EPB41L2: variants seen among roughly 807,000 people sequenced by gnomAD.
EPB41L2 encodes erythrocyte membrane protein band 4.1 like 2.
A neutral mutation model predicts 113.0 loss-of-function variants in EPB41L2; 43 were observed. The ratio of observed to expected loss-of-function variants is 0.38; its 90% CI spans 0.30 to 0.49. The LOEUF is 0.49. EPB41L2 is among the 20% of genes least tolerant of loss of function. The pLI, the probability that EPB41L2 is intolerant of heterozygous loss-of-function variation, is 0.95. For synonymous variants in EPB41L2, 442 were observed against 436.7 expected (o/e 1.01, Z -0.15); for missense variants, 1,147 against 1,223.4 (o/e 0.94, Z 0.93).
At chr6:131,040,623 A>G (rs1326437682) in intron 1 of EPB41L2, among the ~76,000 whole-genome samples, 1 of 152,210 alleles carries the variant, frequency 6.6e-6, no homozygotes, top group African/African-American at 2.4e-5. Flanking sequence ...TGGTACCAAC[A>G]TCTCACTCCT....
At chr6:130,859,572 G>GAGAATACC (rs1218763523) in intron 18 of EPB41L2, among the ~76,000 whole-genome samples, 1 of 151,458 alleles carries the variant, frequency 6.6e-6, no homozygotes, top group Non-Finnish European at 1.5e-5. Flanking sequence ...TACTAGGACA[G>GAGAATACC]AGAATACCAT....
At chr6:130,904,844 A>G (rs1797256575) in intron 5 of EPB41L2, among the ~76,000 whole-genome samples, 1 of 151,924 alleles carries the variant, frequency 6.6e-6, no homozygotes, top group Non-Finnish European at 1.5e-5. Flanking sequence ...TTTTAATATA[A>G]CCTCCATGTA....
At chr6:130,888,768 A>T (rs976268478) in intron 11 of EPB41L2, among the ~76,000 whole-genome samples, 6 of 152,224 alleles carry the variant, frequency 3.9e-5, no homozygotes, top group Non-Finnish European at 8.8e-5. Flanking sequence ...GACCTAAAAG[A>T]TACTTTAGCA....
chr6:130,903,493 C>T (rs913674654), intron 6 of EPB41L2, among the ~76,000 whole-genome samples: 2 of 151,926 alleles, frequency 1.3e-5, no homozygotes, highest in Non-Finnish European at 1.5e-5. Flanking sequence ...CTCTTAACCA[C>T]TTCCACAACT....
At chr6:130,879,066 T>C (rs1163221624) in intron 13 of EPB41L2, among the ~76,000 whole-genome samples, 1 of 152,210 alleles carries the variant, frequency 6.6e-6, no homozygotes, top group Non-Finnish European at 1.5e-5. Flanking sequence ...TTCGACTGGC[T>C]CTCATAAATA....
At position 130,845,028 on chromosome 6, in the gene EPB41L2, C is replaced by T. The variant is rs527368205; in HGVS notation, c.*6-4430G>A. Among the ~76,000 whole-genome samples the T allele has an allele frequency of 3.7e-4, 56 of 152,290 alleles. No homozygotes were observed. The South Asian group carries it at 4.8e-3, about 13-fold the overall frequency. On this transcript the variant is annotated intron_variant, in intron 19 of 19. Transcript: ENST00000337057. Reference sequence around the variant, plus strand: ...CTGCACTCCAGCCTGGCTGCCAGAACGAGACTGTCTCAAATAAACAAATAA... The same window carrying T: ...CTGCACTCCAGCCTGGCTGCCAGAATGAGACTGTCTCAAATAAACAAATAA...
rs1472573704 is a variant in EPB41L2 at position 130,956,414 on chromosome 6, C to T, written c.72G>A (p.Lys24=). The part of the protein sequence containing the change: ...DSSQLGTDAT[K]EKPKEVAENQ... ...TTTCTGCTACTTCTTTAGGTTTTTC[C>T]TTGGTTGCATCTGTTCCTAACTGGC... The change falls in exon 2 of 20, where the codon AAG becomes AAA. Residue 24 remains lysine (K), a synonymous_variant. Coordinates refer to ENST00000337057, the MANE Select transcript of EPB41L2 (RefSeq NM_001431.4). 6.2e-7 allele frequency: 1 copy of T among 1,614,040 alleles called. No individual in the cohort carries two copies. Among genetic ancestry groups the T allele is most frequent in the Admixed American group, 1.7e-5 (1 of 60,016 alleles).
intron 3 of EPB41L2, among the ~76,000 whole-genome samples, chr6:130,935,319 C>T (rs1185011718): frequency 1.3e-5 from 2 of 152,140 alleles, no homozygotes; most frequent in Non-Finnish European, 2.9e-5. Context: ...ACTTGCCCTT[C>T]TTACTTGTTA....
rs142198351 is a variant in EPB41L2 at position 130,981,829 on chromosome 6, G to A, written c.-14-25330C>T. Among the ~76,000 whole-genome samples the A allele has an allele frequency of 2.4e-3, 359 of 151,934 alleles. 1 individual carries two copies. The highest frequency in any genetic ancestry group is 6.7e-3 in the African/African-American group (280 of 41,490). ...TAAAATAAAAATATAAATAAAATTT[G>A]GAGAAAAAAGTATATGTGGTTTTCA... is the stretch of plus-strand genomic sequence containing the variant. On this transcript the variant is annotated intron_variant, in intron 1 of 19. Coordinates refer to ENST00000337057, the MANE Select transcript of EPB41L2 (RefSeq NM_001431.4).
intron 1 of EPB41L2, among the ~76,000 whole-genome samples, chr6:131,021,523 T>A (rs1562748579): frequency 6.6e-6 from 1 of 151,932 alleles, no homozygotes; most frequent in Non-Finnish European, 1.5e-5. Context: ...TAGGCAGGCG[T>A]GGTGGCAGGT....
At chr6:130,951,312 CTT>C (rs34082234) in intron 3 of EPB41L2, among the ~76,000 whole-genome samples, 228 of 50,790 alleles carry the variant, frequency 4.5e-3, no homozygotes, top group African/African-American at 0.025. Flanking sequence ...AGCCTCAGTA[CTT>C]TTTTTTTTTT....
At chr6:130,961,667 G>A (rs1773581072) in intron 1 of EPB41L2, among the ~76,000 whole-genome samples, 1 of 152,146 alleles carries the variant, frequency 6.6e-6, no homozygotes, top group African/African-American at 2.4e-5. Flanking sequence ...AAAACATTGA[G>A]GAAACTGGGA....
At chr6:130,869,286 G>T (rs1784877504) in intron 15 of EPB41L2, among the ~76,000 whole-genome samples, 1 of 152,104 alleles carries the variant, frequency 6.6e-6, no homozygotes, top group African/African-American at 2.4e-5. Context: ...AACATGCAAA[G>T]AAAAATTTAA....
At chr6:131,015,985 CA>C (rs1240521701) in intron 1 of EPB41L2, 1 of 152,120 alleles carries the variant, frequency 6.6e-6, no homozygotes, top group African/African-American at 2.4e-5. Flanking sequence ...CATTTGGCTT[CA>C]ATAAAGCCAT....
At chr6:130,980,839 T>A (rs185964535) in intron 1 of EPB41L2, among the ~76,000 whole-genome samples, 11 of 152,324 alleles carry the variant, frequency 7.2e-5, no homozygotes, top group Middle Eastern at 6.8e-3. Flanking sequence ...ACAACCAACA[T>A]GCTTTTGTTC....
At chr6:130,865,774 A>G in intron 16 of EPB41L2, 140 bp from the exon 17 acceptor site, 1 of 811,874 alleles carries the variant, frequency 1.2e-6, no homozygotes, top group Non-Finnish European at 1.9e-6. Flanking sequence ...CATCCAGGAG[A>G]GCGGCTGGTA....
At chr6:130,845,384 CT>C (rs11288907) in intron 19 of EPB41L2, among the ~76,000 whole-genome samples, 139,073 of 151,396 alleles carry the variant, frequency 0.92, 64,024 homozygotes, top group East Asian at 1. Flanking sequence ...TAACCTTATT[CT>C]TTTTTTTTTA....
intron 11 of EPB41L2, among the ~76,000 whole-genome samples, chr6:130,888,120 G>A (rs1402083587): frequency 1.3e-5 from 2 of 152,108 alleles, no homozygotes; most frequent in Non-Finnish European, 2.9e-5. Flanking sequence ...AATACATGAA[G>A]ACTACAACAA....
chr6:130,857,022 T>C (rs1780451672), intron 19 of EPB41L2, among the ~76,000 whole-genome samples: 1 of 152,144 alleles, frequency 6.6e-6, no homozygotes, highest in Non-Finnish European at 1.5e-5. Context: ...CAAATACCCT[T>C]GTAGGTGAAT....
Sources: allele counts gnomAD v4.1 joint callset (sites outside exome capture counted in the v4.1 genomes callset), GRCh38; gene constraint gnomAD v4.1.1; transcripts MANE v1.5; gene names NCBI Gene and HGNC (gene_info 2026-07-23, HGNC 2026-07-21).